The following TTC7B variants were observed in gnomAD, a reference collection of about 807,000 sequenced individuals.
TTC7B encodes the protein tetratricopeptide repeat domain 7B, also known as tetratricopeptide repeat protein 7B.
TTC7B carries 28 observed loss-of-function variants against 106.8 expected under a neutral mutation model. That is an observed-to-expected ratio of 0.26 (90% confidence interval 0.19 to 0.36). The LOEUF (loss-of-function observed/expected upper bound fraction) is 0.36. TTC7B is among the 10% of genes least tolerant of loss of function. The pLI, the probability that TTC7B is intolerant of heterozygous loss-of-function variation, is 1.00. For synonymous variants in TTC7B, 405 were observed against 430.6 expected (o/e 0.94, Z 0.74); for missense variants, 862 against 1,076.4 (o/e 0.80, Z 2.79).
chr14:90,746,773 A>G (rs1595344920), intron 3 of TTC7B, among the ~76,000 whole-genome samples: 1 of 152,254 alleles, frequency 6.6e-6, no homozygotes, highest in Non-Finnish European at 1.5e-5. Context: ...TTCAGTTCAC[A>G]ATATTTTCTA....
At chr14:90,684,789 T>C (rs1243024880) in intron 7 of TTC7B, among the ~76,000 whole-genome samples, 3 of 152,142 alleles carry the variant, frequency 2.0e-5, no homozygotes, top group Non-Finnish European at 2.9e-5. Flanking sequence ...GACCAAATGC[T>C]ACTTACATGG....
Position 90,596,195 on chromosome 14 carries a change from G to T in TTC7B, c.1967-2569C>A, listed in dbSNP as rs144180226. ...TTAAAAATAACAATAATAAATTATT[G>T]CTCTGGAAACATTCCACACATTTTC... On this transcript the variant is annotated intron_variant, in intron 17 of 19. Coordinates refer to ENST00000328459, the MANE Select transcript of TTC7B (RefSeq NM_001010854.2). 2.6e-5 allele frequency among the ~76,000 whole-genome samples: 4 copies of T among 151,996 alleles called. No homozygotes were observed. The East Asian group carries it at 7.7e-4, about 29-fold the overall frequency.
intron 16 of TTC7B, among the ~76,000 whole-genome samples, chr14:90,614,250 C>T (rs1342311495): frequency 6.6e-6 from 1 of 152,188 alleles, no homozygotes; most frequent in African/African-American, 2.4e-5. Context: ...TATGAGATCA[C>T]ACGACCTTGG....
At chr14:90,626,974 C>T (rs1271448738) in intron 15 of TTC7B, among the ~76,000 whole-genome samples, 1 of 152,098 alleles carries the variant, frequency 6.6e-6, no homozygotes, top group Non-Finnish European at 1.5e-5. Context: ...AGAAACTTAA[C>T]CACTTTTATT....
At chr14:90,728,829 C>T (rs1889213307) in intron 5 of TTC7B, among the ~76,000 whole-genome samples, 3 of 152,230 alleles carry the variant, frequency 2.0e-5, no homozygotes, top group African/African-American at 7.2e-5. Flanking sequence ...AGGGCAAGGG[C>T]CGGGAGCTCC....
intron 15 of TTC7B, among the ~76,000 whole-genome samples, chr14:90,639,082 A>G (rs1885061391): frequency 6.6e-6 from 1 of 152,218 alleles, no homozygotes; most frequent in African/African-American, 2.4e-5. Flanking sequence ...TCAGTGTGAA[A>G]GATAGCACAA....
At chr14:90,602,251 CG>C (rs1892454745) in intron 17 of TTC7B, 1 of 455,782 alleles carries the variant, frequency 2.2e-6, no homozygotes, top group Non-Finnish European at 4.4e-6. Context: ...GGTCAAAGTG[CG>C]GGACTTCTCA....
Position 90,657,702 on chromosome 14 carries a change from T to C in TTC7B, c.1237-424A>G. 1 of 215,772 alleles carries C rather than the reference T, an allele frequency of 4.6e-6. No homozygotes were observed. Among genetic ancestry groups the C allele is most frequent in the Non-Finnish European group, 9.4e-6 (1 of 106,508 alleles). The allele number at this position is 215,772 out of a possible 1,614,324, so 13.4% of individuals were successfully genotyped here. A position where few individuals can be genotyped will look rare whatever the true frequency, so the allele number is the denominator to read the frequency against. On this transcript the variant is annotated intron_variant, in intron 10 of 19. Coordinates refer to ENST00000328459, the MANE Select transcript of TTC7B (RefSeq NM_001010854.2). This position sits in a 1 kb window ranked among gnomAD's most constrained non-coding sequence, Gnocchi z 4.2. ...CCAAATTAGCAAGAAAAACAATAGC[T>C]ACGACCTCTGTTGAGTGTATACACA...
At position 90,757,473 on chromosome 14, in the gene TTC7B, G is replaced by C. The variant is rs1222634526; in HGVS notation, c.446-12551C>G. 6.6e-6 allele frequency among the ~76,000 whole-genome samples: 1 copy of C among 152,008 alleles called. No homozygotes were observed. Among genetic ancestry groups the C allele is most frequent in the Non-Finnish European group, 1.5e-5 (1 of 67,988 alleles). ...AAAAGAAAGAAAGAAAAGAAAAGCA[G>C]ATTCTCAAGGAAAAAAGATCGAGCT... On this transcript the variant is annotated intron_variant, in intron 3 of 19. Transcript: ENST00000328459. The surrounding 1 kb of genome is among the most constrained non-coding windows in gnomAD (Gnocchi z 4.1).
At chr14:90,633,264 A>G (rs1884779507) in intron 15 of TTC7B, among the ~76,000 whole-genome samples, 1 of 152,258 alleles carries the variant, frequency 6.6e-6, no homozygotes, top group Non-Finnish European at 1.5e-5. Flanking sequence ...TATTGATTTG[A>G]TAACCTCTCT....
chr14:90,800,536 G>A (rs560221537), intron 1 of TTC7B, among the ~76,000 whole-genome samples: 2 of 152,260 alleles, frequency 1.3e-5, no homozygotes, highest in East Asian at 1.9e-4. Flanking sequence ...GTCCGGCCAG[G>A]CGAGGTGGCT....
chr14:90,624,240 T>C lies in TTC7B; in HGVS notation c.1752-6195A>G, dbSNP rs1187814669. On this transcript the variant is annotated intron_variant, in intron 15 of 19. Transcript: ENST00000328459. This position sits in a 1 kb window ranked among gnomAD's most constrained non-coding sequence, Gnocchi z 4.0. ...ATTAAAACAAATAGAAATACTATTTTACTGTACTTCTGGAATATTTTAAGA... is the reference window on the plus strand; with the variant it reads ...ATTAAAACAAATAGAAATACTATTTCACTGTACTTCTGGAATATTTTAAGA... Among the ~76,000 whole-genome samples, 3 of 152,248 alleles carry C rather than the reference T, an allele frequency of 2.0e-5. No homozygotes were observed. Among genetic ancestry groups the C allele is most frequent in the Admixed American group, 2.0e-4 (3 of 15,290 alleles).
intron 19 of TTC7B, among the ~76,000 whole-genome samples, chr14:90,556,110 G>A (rs541082866): frequency 4.6e-5 from 7 of 152,368 alleles, no homozygotes; most frequent in South Asian, 2.1e-4. Flanking sequence ...CAAGTCCCAC[G>A]TAACATCAAA....
chr14:90,526,699 T>C lies in TTC7B; in HGVS notation c.*14669A>G, dbSNP rs1889156949. The C allele has an allele frequency of 6.6e-6, 1 of 152,126 alleles. No individual in the cohort carries two copies. The highest frequency in any genetic ancestry group is 2.1e-4 in the South Asian group (1 of 4,830). 9.4% of individuals were successfully genotyped at this position (152,126 alleles called of 1,614,324 possible). A position where few individuals can be genotyped will look rare whatever the true frequency, so the allele number is the denominator to read the frequency against. ...CTCATGATAGTGAGTTCTCATGAGCTCTGATGGTTTTATAAGGGTTTTTCC... is the reference window on the plus strand; with the variant it reads ...CTCATGATAGTGAGTTCTCATGAGCCCTGATGGTTTTATAAGGGTTTTTCC... On this transcript the variant is annotated 3_prime_UTR_variant, in exon 20 of 20. Coordinates refer to ENST00000328459, the MANE Select transcript of TTC7B (RefSeq NM_001010854.2).
rs550025503 is a variant in TTC7B, at chr14:90,690,035, T to C, written c.778-323A>G. ...CTAAGCCCTTTCCCAAGAGCTCTTATAAATAACAGGTGAGCTGCAGATATT... is the reference window on the plus strand; with the variant it reads ...CTAAGCCCTTTCCCAAGAGCTCTTACAAATAACAGGTGAGCTGCAGATATT... On this transcript the variant is annotated intron_variant, in intron 6 of 19. Transcript: ENST00000328459. 2.6e-5 allele frequency among the ~76,000 whole-genome samples: 4 copies of C among 152,320 alleles called. No homozygotes were observed. The South Asian group carries it at 6.2e-4, about 24-fold the overall frequency.
In TTC7B at chr14:90,525,964, T is replaced by TAAAA. The variant is rs745965808; in HGVS notation, c.*15400_*15403dup. ...TACAGAGTTGCGATTGGTTAAAAAA[T>TAAAA]AAAAAAAAATAAAAAAAATAAAAAA... On this transcript the variant is annotated 3_prime_UTR_variant, in exon 20 of 20. Transcript: ENST00000328459. The TAAAA allele has an allele frequency of 7.4e-6, 1 of 135,426 alleles. No individual in the cohort carries two copies. The highest frequency in any genetic ancestry group is 1.6e-5 in the Non-Finnish European group (1 of 62,616). The allele number at this position is 135,426 out of a possible 1,614,324, so 8.4% of individuals were successfully genotyped here. A position where few individuals can be genotyped will look rare whatever the true frequency, so the allele number is the denominator to read the frequency against.
At position 90,808,244 on chromosome 14, in the gene TTC7B, G is replaced by C. The variant is rs1042517731; in HGVS notation, c.121+7931C>G. Among the ~76,000 whole-genome samples, 3 of 152,184 alleles carry C rather than the reference G, an allele frequency of 2.0e-5. No homozygotes were observed. The highest frequency in any genetic ancestry group is 2.0e-4 in the Admixed American group (3 of 15,270). The stretch of plus-strand genomic sequence containing the variant: ...GAAGATCACTTGAGCCCAGGAGTTC[G>C]AGACCAGAGTGGGCAACATAGGGAA... On this transcript the variant is annotated intron_variant, in intron 1 of 19. Coordinates refer to ENST00000328459, the MANE Select transcript of TTC7B (RefSeq NM_001010854.2). This position sits in a 1 kb window ranked among gnomAD's most constrained non-coding sequence, Gnocchi z 4.2.
At chr14:90,555,578 C>T (rs1890267400) in intron 19 of TTC7B, among the ~76,000 whole-genome samples, 1 of 152,346 alleles carries the variant, frequency 6.6e-6, no homozygotes, top group Non-Finnish European at 1.5e-5. Context: ...CCCTTCCCTG[C>T]AACCTGCACC....
At chr14:90,691,537 T>C (rs532881171) in intron 6 of TTC7B, among the ~76,000 whole-genome samples, 6 of 152,354 alleles carry the variant, frequency 3.9e-5, no homozygotes, top group Admixed American at 3.9e-4. Context: ...TCAACCTACA[T>C]TTAGCCTGTA....
Sources: allele counts gnomAD v4.1 joint callset (sites outside exome capture counted in the v4.1 genomes callset), GRCh38; gene constraint gnomAD v4.1.1; non-coding constraint Gnocchi (gnomAD v3.1); transcripts MANE v1.5; gene names NCBI Gene and HGNC (gene_info 2026-07-23, HGNC 2026-07-21).